Variants in GALNT17 observed in about 807,000 individuals in gnomAD.
GALNT17 encodes UDP-GalNAc:polypeptide N-acetylgalactosaminyltransferase-like 3.
Under a neutral mutation model 63.7 loss-of-function variants are expected in GALNT17, and 29 were observed. That is an observed-to-expected ratio of 0.46 (90% CI 0.34 to 0.62). The LOEUF is 0.62. GALNT17 is among the 20% of genes least tolerant of loss of function. The pLI, the probability that GALNT17 is intolerant of heterozygous loss-of-function variation, is 0.01. For missense variants in GALNT17, 603 were observed against 799.6 expected, an observed-to-expected ratio of 0.75 and a Z score of 2.97; for synonymous variants, 305 against 318.3, an observed-to-expected ratio of 0.96 and a Z score of 0.45.
At chr7:71,184,265 C>G (rs1434434214) in intron 1 of GALNT17, among the ~76,000 whole-genome samples, 1 of 152,126 alleles carries the variant, frequency 6.6e-6, no homozygotes, top group African/African-American at 2.4e-5. Context: ...GTTCAAGCCA[C>G]ACAGCTTTGT....
At chr7:71,458,813 C>G (rs1379333644) in intron 5 of GALNT17, among the ~76,000 whole-genome samples, 1 of 152,168 alleles carries the variant, frequency 6.6e-6, no homozygotes, top group Non-Finnish European at 1.5e-5. Flanking sequence ...TTCTCTCATT[C>G]TCTGCTGCCC....
At position 71,377,114 on chromosome 7, in the gene GALNT17, A is replaced by AAAAAAAT; in HGVS notation, c.423-11120_423-11119insAAAAATA. Among the ~76,000 whole-genome samples, 180 of 57,422 alleles carry AAAAAAAT rather than the reference A, an allele frequency of 3.1e-3. 16 individuals are homozygous for AAAAAAAT. The highest frequency in any genetic ancestry group is 3.7e-3 in the Non-Finnish European group (123 of 33,244). 37.7% of individuals were successfully genotyped at this position (57,422 alleles called of 152,430 possible). A position where few individuals can be genotyped will look rare whatever the true frequency, so the allele number is the denominator to read the frequency against. On this transcript the variant is annotated intron_variant, in intron 2 of 10. Transcript: ENST00000333538. Reference sequence around the variant, plus strand: ...AAAAAAAAAAAATAAAAATAAAAAAAATATATATATATATATATATATATA... The same window carrying AAAAAAAT: ...AAAAAAAAAAAATAAAAATAAAAAAAAAAAAATATATATATATATATATATATATATA...
At chr7:71,184,781 G>A (rs1466756406) in intron 1 of GALNT17, among the ~76,000 whole-genome samples, 3 of 152,176 alleles carry the variant, frequency 2.0e-5, no homozygotes, top group Admixed American at 2.0e-4. Flanking sequence ...GCATTAGCTG[G>A]AATTCTAAAT....
intron 6 of GALNT17, among the ~76,000 whole-genome samples, chr7:71,586,513 C>T (rs779068744): frequency 6.6e-6 from 1 of 152,128 alleles, no homozygotes; most frequent in Non-Finnish European, 1.5e-5. Flanking sequence ...GTTTAGATTT[C>T]GCTTGGGTAG....
At chr7:71,411,571 G>A (rs752585139) in intron 3 of GALNT17, among the ~76,000 whole-genome samples, 6 of 152,068 alleles carry the variant, frequency 3.9e-5, no homozygotes, top group Non-Finnish European at 7.3e-5. Context: ...GTTTCTCTCC[G>A]TTTTCAAATC....
At chr7:71,287,885 CCACTAAAAA>C (rs1349243451) in intron 1 of GALNT17, among the ~76,000 whole-genome samples, 6 of 151,902 alleles carry the variant, frequency 3.9e-5, no homozygotes, top group African/African-American at 1.5e-4. Context: ...AACCCCATCT[CCACTAAAAA>C]CACAAAAATT....
At chr7:71,580,305 G>T (rs1258825407) in intron 6 of GALNT17, among the ~76,000 whole-genome samples, 1 of 152,016 alleles carries the variant, frequency 6.6e-6, no homozygotes, top group African/African-American at 2.4e-5. Flanking sequence ...ATGGATGATA[G>T]ATGTAGATGA....
intron 1 of GALNT17, among the ~76,000 whole-genome samples, chr7:71,245,665 T>A (rs1382381949): frequency 6.6e-6 from 1 of 152,176 alleles, no homozygotes; most frequent in Non-Finnish European, 1.5e-5. Flanking sequence ...TCTGTCTCTT[T>A]AATGGGCAAA....
intron 1 of GALNT17, among the ~76,000 whole-genome samples, chr7:71,321,943 C>CCCTTCCTT (rs150369774): frequency 5.0e-4 from 24 of 47,702 alleles, no homozygotes; most frequent in African/African-American, 1.3e-3. Context: ...CTCCCTCCCT[C>CCCTTCCTT]CCTTCCTTCC....
intron 8 of GALNT17, among the ~76,000 whole-genome samples, chr7:71,671,637 A>G (rs1791070706): frequency 6.6e-6 from 1 of 152,204 alleles, no homozygotes; most frequent in African/African-American, 2.4e-5. Context: ...CTTGGCAGCC[A>G]TTCCCTCATC....
intron 1 of GALNT17, among the ~76,000 whole-genome samples, chr7:71,231,749 G>GGAGAGA (rs371282510): frequency 4.1e-5 from 6 of 145,574 alleles, no homozygotes; most frequent in African/African-American, 1.6e-4. Flanking sequence ...GGAGGGAGAG[G>GGAGAGA]GAGAGAGAGA....
chr7:71,482,149 CATT>C (rs1163258287), intron 5 of GALNT17, among the ~76,000 whole-genome samples: 8 of 73,504 alleles, frequency 1.1e-4, no homozygotes, highest in Non-Finnish European at 2.0e-4. Flanking sequence ...GACAAGGATA[CATT>C]TTTTTTTTTT....
intron 6 of GALNT17, among the ~76,000 whole-genome samples, chr7:71,572,511 A>AC (rs561329745): frequency 0.096 from 12,866 of 134,160 alleles, 799 homozygotes; most frequent in East Asian, 0.15. Context: ...CATTAAAAAA[A>AC]AAAAAAAAAA....
At chr7:71,654,981 G>T (rs1340245234) in intron 6 of GALNT17, among the ~76,000 whole-genome samples, 1 of 152,058 alleles carries the variant, frequency 6.6e-6, no homozygotes, top group Non-Finnish European at 1.5e-5. Flanking sequence ...GTAGAGAAGG[G>T]GTTTCACTAT....
At chr7:71,537,684 G>T (rs143541976) in intron 5 of GALNT17, among the ~76,000 whole-genome samples, 1 of 152,020 alleles carries the variant, frequency 6.6e-6, no homozygotes, top group Non-Finnish European at 1.5e-5. Flanking sequence ...TTGGTGGCAC[G>T]TGCCTGTAGT....
chr7:71,564,648 C>T (rs997550258), intron 5 of GALNT17, among the ~76,000 whole-genome samples: 28 of 152,144 alleles, frequency 1.8e-4, no homozygotes, highest in African/African-American at 6.8e-4. Context: ...TCCACATCCC[C>T]GCTGCACTGG....
intron 5 of GALNT17, among the ~76,000 whole-genome samples, chr7:71,463,367 A>G (rs1413925913): frequency 1.3e-5 from 2 of 152,178 alleles, no homozygotes; most frequent in Non-Finnish European, 2.9e-5. Context: ...GGCAGTGTCT[A>G]GTGCTACAGG....
chr7:71,601,433 G>A (rs1463379587), intron 6 of GALNT17, among the ~76,000 whole-genome samples: 1 of 152,014 alleles, frequency 6.6e-6, no homozygotes, highest in Non-Finnish European at 1.5e-5. Context: ...TAGAGAGCAG[G>A]GGAGATAGGA....
intron 6 of GALNT17, among the ~76,000 whole-genome samples, chr7:71,587,741 T>G (rs1789740443): frequency 6.6e-6 from 1 of 152,050 alleles, no homozygotes; most frequent in Non-Finnish European, 1.5e-5. Context: ...AAATGATAAA[T>G]TTGACTTAAA....
Sources: allele counts gnomAD v4.1 joint callset (sites outside exome capture counted in the v4.1 genomes callset), GRCh38; gene constraint gnomAD v4.1.1; transcripts MANE v1.5; gene names NCBI Gene and HGNC (gene_info 2026-07-23, HGNC 2026-07-21).